The following PRLR variants were observed in gnomAD, a reference collection of about 807,000 sequenced individuals.
PRLR encodes hPRL receptor.
PRLR carries 13 observed loss-of-function variants against 40.2 expected under a neutral mutation model. That is an observed-to-expected ratio of 0.32 (90% CI 0.21 to 0.51). The LOEUF is 0.51. Among genes scored for constraint, PRLR ranks in the 20% least tolerant of loss-of-function variants. The pLI, the probability that PRLR is intolerant of heterozygous loss-of-function variation, is 0.97. For synonymous variants in PRLR, 269 were observed against 278.7 expected, an observed-to-expected ratio of 0.97 and a Z score of 0.35; for missense variants, 656 against 747.3, an observed-to-expected ratio of 0.88 and a Z score of 1.42.
At position 35,065,115 on chromosome 5, in the gene PRLR, C is replaced by T. The variant is rs781305716; in HGVS notation, c.1843G>A (p.Ala615Thr). The change falls in exon 10 of 10, where the codon GCA becomes ACA. Residue 615 changes from alanine (A) to threonine (T), a missense_variant. By Grantham distance (58) the Ala-to-Thr change is moderately conservative (BLOSUM62 0). Transcript: ENST00000618457. ...QLGGLDYLDP[A>T]CFTHSFH ...CAGTGAAAGGAGTGTGTAAAACATG[C>T]GGGATCCAGGTAATCCAAACCACCC... 1.7e-5 allele frequency: 28 copies of T among 1,612,664 alleles called. No individual in the cohort carries two copies. The East Asian group carries it at 5.1e-4, about 30-fold the overall frequency.
intron 1 of PRLR, among the ~76,000 whole-genome samples, chr5:35,185,485 T>C (rs1269468571): frequency 1.3e-5 from 2 of 152,006 alleles, no homozygotes; most frequent in Admixed American, 1.3e-4. Context: ...GGGCCTTTTC[T>C]AACTAAAATT....
intron 2 of PRLR, among the ~76,000 whole-genome samples, chr5:35,104,048 T>C (rs543674164): frequency 1.3e-5 from 2 of 152,286 alleles, no homozygotes; most frequent in Non-Finnish European, 2.9e-5. Flanking sequence ...TTGTGTTCAC[T>C]TTTATATCCC....
intron 1 of PRLR, among the ~76,000 whole-genome samples, chr5:35,224,557 A>T (rs1228294548): frequency 4.6e-5 from 7 of 152,240 alleles, no homozygotes; most frequent in Non-Finnish European, 1.0e-4. Context: ...TGCTCCAGCT[A>T]CATAAAGGCA....
At chr5:35,132,728 T>C (rs1042900540) in intron 1 of PRLR, among the ~76,000 whole-genome samples, 6 of 152,334 alleles carry the variant, frequency 3.9e-5, no homozygotes, top group African/African-American at 9.6e-5. Context: ...TTAAATATCA[T>C]AGGACATTCG....
rs758369639 is a variant in PRLR at position 35,060,465 on chromosome 5, C to T, written c.*4624G>A. 3.9e-5 allele frequency: 6 copies of T among 152,192 alleles called. No homozygotes were observed. The highest frequency in any genetic ancestry group is 7.3e-5 in the Non-Finnish European group (5 of 68,054). 9.4% of individuals were successfully genotyped at this position (152,192 alleles called of 1,614,324 possible). On this transcript the variant is annotated 3_prime_UTR_variant, in exon 10 of 10. Transcript: ENST00000618457. Reference sequence around the variant, plus strand: ...GGTGTGTCAGCAAGGCTTTCTTGCACTGCACCAGGGACACTGACCTGAAAC... The same window carrying T: ...GGTGTGTCAGCAAGGCTTTCTTGCATTGCACCAGGGACACTGACCTGAAAC...
chr5:35,074,361 C>T (rs895005428), intron 5 of PRLR, among the ~76,000 whole-genome samples: 1 of 151,704 alleles, frequency 6.6e-6, no homozygotes, highest in Non-Finnish European at 1.5e-5. Flanking sequence ...ACTTGGGAGG[C>T]TGAGGCAGGA....
downstream of PRLR, among the ~76,000 whole-genome samples, chr5:35,053,774 C>T (rs1768588809): frequency 6.6e-6 from 1 of 152,188 alleles, no homozygotes; most frequent in Non-Finnish European, 1.5e-5. Flanking sequence ...TAGCTCCCAA[C>T]ACAATTTTTT....
intron 1 of PRLR, among the ~76,000 whole-genome samples, chr5:35,152,510 A>G (rs1030765178): frequency 1.3e-5 from 2 of 152,146 alleles, no homozygotes; most frequent in Non-Finnish European, 1.5e-5. Flanking sequence ...GATTGCCAAT[A>G]CTGTACACAA....
At chr5:35,156,414 C>T (rs988057695) in intron 1 of PRLR, among the ~76,000 whole-genome samples, 6 of 152,166 alleles carry the variant, frequency 3.9e-5, no homozygotes, top group African/African-American at 1.2e-4. Flanking sequence ...TCTTTTAGAA[C>T]GTAAGTTAAA....
At position 35,061,586 on chromosome 5, in the gene PRLR, T is replaced by C. The variant is rs1410890741; in HGVS notation, c.*3503A>G. On this transcript the variant is annotated 3_prime_UTR_variant, in exon 10 of 10. Transcript: ENST00000618457. ...TTAGGAAAATGTAGAGTCTGTTATATAGCTAATAAATGTAGGATCTGTTAA... is the reference window on the plus strand; with the variant it reads ...TTAGGAAAATGTAGAGTCTGTTATACAGCTAATAAATGTAGGATCTGTTAA... 6.6e-6 allele frequency: 1 copy of C among 152,142 alleles called. No individual in the cohort carries two copies. The highest frequency in any genetic ancestry group is 1.5e-5 in the Non-Finnish European group (1 of 68,014). 9.4% of individuals were successfully genotyped at this position (152,142 alleles called of 1,614,324 possible).
chr5:35,192,890 T>C (rs954784452), intron 1 of PRLR, among the ~76,000 whole-genome samples: 8 of 152,218 alleles, frequency 5.3e-5, no homozygotes, highest in African/African-American at 1.9e-4. Context: ...AGCAGCCAGA[T>C]GCTGCTGCAT....
intron 1 of PRLR, among the ~76,000 whole-genome samples, chr5:35,134,990 C>A (rs554204439): frequency 4.6e-5 from 7 of 152,224 alleles, no homozygotes; most frequent in African/African-American, 1.4e-4. Flanking sequence ...GACTGAGGAA[C>A]ATGTTTTTTT....
intron 1 of PRLR, among the ~76,000 whole-genome samples, chr5:35,214,572 G>A (rs1348376751): frequency 6.6e-6 from 1 of 152,120 alleles, no homozygotes; most frequent in Non-Finnish European, 1.5e-5. Context: ...TAGAGCCTGA[G>A]GTTCAAGAGA....
intron 1 of PRLR, among the ~76,000 whole-genome samples, chr5:35,129,285 C>T (rs905935239): frequency 6.6e-5 from 10 of 152,126 alleles, no homozygotes; most frequent in East Asian, 1.9e-4. Context: ...GTGTTATTGA[C>T]GTGCTCAATT....
At chr5:35,084,358 C>T in intron 5 of PRLR, 112 bp downstream of exon 5, 1 of 1,089,354 alleles carries the variant, frequency 9.2e-7, no homozygotes, top group Non-Finnish European at 1.3e-6. Flanking sequence ...TGAGTTTTCT[C>T]ATCTTTCTTT....
chr5:35,222,243 C>T lies in PRLR; in HGVS notation c.-106+8025G>A, dbSNP rs574146853. On this transcript the variant is annotated intron_variant, in intron 1 of 9. Transcript: ENST00000618457. ...GCTTGAACCCGGGAGGCAGAGGTTG[C>T]GGTGAGCCGAGATCGCGCCACTGCA... 2.9e-4 allele frequency among the ~76,000 whole-genome samples: 44 copies of T among 151,832 alleles called. No individual in the cohort carries two copies. The South Asian group carries it at 7.7e-3, about 27-fold the overall frequency.
At chr5:35,136,881 C>T (rs572673062) in intron 1 of PRLR, among the ~76,000 whole-genome samples, 28 of 151,966 alleles carry the variant, frequency 1.8e-4, no homozygotes, top group Non-Finnish European at 3.4e-4. Context: ...CTATTAAATT[C>T]CCACTCGATG....
At chr5:35,066,824 C>T (rs2112377182) in intron 9 of PRLR, among the ~76,000 whole-genome samples, 1 of 141,550 alleles carries the variant, frequency 7.1e-6, no homozygotes. Flanking sequence ...AGTGCAGTGG[C>T]ATGATCTCGG....
intron 1 of PRLR, among the ~76,000 whole-genome samples, chr5:35,145,596 C>T (rs1293965210): frequency 1.3e-5 from 2 of 152,198 alleles, no homozygotes; most frequent in East Asian, 1.9e-4. Context: ...ACTATGTACA[C>T]ACCACCATTG....
Sources: gnomAD v4.1 joint callset for allele counts (sites outside exome capture counted in the v4.1 genomes callset) on GRCh38, gnomAD v4.1.1 for gene constraint, MANE v1.5 for transcripts, NCBI Gene and HGNC (gene_info 2026-07-23, HGNC 2026-07-21) for gene names.